The following STARD13 variants were observed in gnomAD, a reference collection of about 807,000 sequenced individuals.
STARD13 encodes StAR related lipid transfer domain containing 13.
A neutral mutation model predicts 106.4 loss-of-function variants in STARD13; 62 were observed. That is an observed-to-expected ratio of 0.58 (90% CI 0.48 to 0.72). The LOEUF (loss-of-function observed/expected upper bound fraction) is 0.72. Ranked by LOEUF, STARD13 falls within the 30% of genes least tolerant of loss-of-function variation. The pLI is 0.00. For missense variants in STARD13, 1,387 were observed against 1,424.0 expected (o/e 0.97, Z 0.42); for synonymous variants, 565 against 553.0 (o/e 1.02, Z -0.31).
the STARD13 span, among the ~76,000 whole-genome samples, chr13:33,452,857 C>A: frequency 6.6e-6 from 1 of 152,186 alleles, no homozygotes; most frequent in African/African-American, 2.4e-5. Flanking sequence ...ATGAAAATGT[C>A]TTTTCTTCAA....
At chr13:33,517,603 G>T in the STARD13 span, among the ~76,000 whole-genome samples, 3 of 152,066 alleles carry the variant, frequency 2.0e-5, no homozygotes, top group African/African-American at 4.8e-5. Flanking sequence ...AGTGCATAAA[G>T]GTTCCTCTGA....
At chr13:33,615,855 G>A in the STARD13 span, among the ~76,000 whole-genome samples, 2 of 152,174 alleles carry the variant, frequency 1.3e-5, no homozygotes, top group South Asian at 4.1e-4. Flanking sequence ...TTACTCAAGG[G>A]CTCAAAGTAC....
At chr13:33,418,062 T>C in the STARD13 span, among the ~76,000 whole-genome samples, 23,723 of 152,106 alleles carry the variant, frequency 0.16, 4,425 homozygotes, top group African/African-American at 0.44. Context: ...AACTGAGGTA[T>C]CTGGTTCATC....
the STARD13 span, among the ~76,000 whole-genome samples, chr13:33,358,894 A>G: frequency 6.6e-6 from 1 of 152,196 alleles, no homozygotes; most frequent in Admixed American, 6.5e-5. Context: ...GACACTCTGT[A>G]TCTAGCTGCT....
intron 1 of STARD13, among the ~76,000 whole-genome samples, chr13:33,175,322 C>T (rs1372477604): frequency 6.6e-6 from 1 of 152,170 alleles, no homozygotes; most frequent in East Asian, 1.9e-4. Context: ...CCAAGAGATT[C>T]TTCAAGATGG....
chr13:33,306,401 C>G (rs1892907412), intron 1 of STARD13, among the ~76,000 whole-genome samples: 1 of 152,118 alleles, frequency 6.6e-6, no homozygotes, highest in African/African-American at 2.4e-5. Flanking sequence ...CAATAACATT[C>G]AAGACATAGC....
intron 1 of STARD13, among the ~76,000 whole-genome samples, chr13:33,311,942 A>T (rs879586603): frequency 7.9e-5 from 12 of 152,168 alleles, no homozygotes; most frequent in Admixed American, 2.0e-4. Flanking sequence ...GGAAAGTGTA[A>T]TTCTTTCATT....
chr13:33,370,451 T>G, the STARD13 span, among the ~76,000 whole-genome samples: 3 of 152,206 alleles, frequency 2.0e-5, no homozygotes, highest in Non-Finnish European at 4.4e-5. Flanking sequence ...CGTACAACAC[T>G]GCTAATACCA....
At chr13:33,396,006 TAATTTTTTATTTTTA>T in the STARD13 span, among the ~76,000 whole-genome samples, 3 of 151,512 alleles carry the variant, frequency 2.0e-5, no homozygotes, top group African/African-American at 4.9e-5. Flanking sequence ...CATGCCTGGC[TAATTTTTTATTTTTA>T]AATTTTTTTT....
At chr13:33,315,988 A>G (rs961618163) in intron 1 of STARD13, among the ~76,000 whole-genome samples, 11 of 152,142 alleles carry the variant, frequency 7.2e-5, no homozygotes, top group African/African-American at 1.2e-4. Flanking sequence ...CTACTTACCA[A>G]GTGGTTCTTC....
At chr13:33,274,827 A>G (rs910917477) in intron 1 of STARD13, among the ~76,000 whole-genome samples, 4 of 152,110 alleles carry the variant, frequency 2.6e-5, no homozygotes, top group African/African-American at 9.7e-5. Flanking sequence ...TTTTAAACCC[A>G]AATGTCCCAT....
At chr13:33,459,760 T>G in the STARD13 span, among the ~76,000 whole-genome samples, 1 of 152,190 alleles carries the variant, frequency 6.6e-6, no homozygotes, top group Non-Finnish European at 1.5e-5. Flanking sequence ...GGTGCTAAAT[T>G]TTTTATTATT....
At chr13:33,444,789 C>T in the STARD13 span, among the ~76,000 whole-genome samples, 1 of 152,054 alleles carries the variant, frequency 6.6e-6, no homozygotes, top group Non-Finnish European at 1.5e-5. Flanking sequence ...TATAATGTAA[C>T]AGTAAAAAAT....
the STARD13 span, among the ~76,000 whole-genome samples, chr13:33,494,377 A>T: frequency 6.6e-6 from 1 of 152,072 alleles, no homozygotes; most frequent in Non-Finnish European, 1.5e-5. Flanking sequence ...CCGTGATTTT[A>T]TTATTGTGTC....
chr13:33,135,700 T>C (rs1408406969), intron 4 of STARD13, among the ~76,000 whole-genome samples: 2 of 152,340 alleles, frequency 1.3e-5, no homozygotes, highest in East Asian at 3.9e-4. Flanking sequence ...AAAAAACCTT[T>C]CTTCACTGGT....
At chr13:33,596,355 C>T in the STARD13 span, among the ~76,000 whole-genome samples, 2 of 152,218 alleles carry the variant, frequency 1.3e-5, no homozygotes, top group African/African-American at 2.4e-5. Flanking sequence ...GTTTAAGTCT[C>T]GTACCCACAA....
At chr13:33,280,219 T>G (rs1222945692) in intron 1 of STARD13, 1 of 152,174 alleles carries the variant, frequency 6.6e-6, no homozygotes, top group African/African-American at 2.4e-5. Context: ...CCACTTAGGT[T>G]GGGCAAATTC....
At chr13:33,227,316 G>A (rs1366545431) in intron 1 of STARD13, among the ~76,000 whole-genome samples, 1 of 152,202 alleles carries the variant, frequency 6.6e-6, no homozygotes, top group Non-Finnish European at 1.5e-5. Context: ...GCTAAAATAC[G>A]ATCCCAGGTA....
At chr13:33,469,384 G>C in the STARD13 span, among the ~76,000 whole-genome samples, 1 of 151,994 alleles carries the variant, frequency 6.6e-6, no homozygotes, top group Admixed American at 6.6e-5. Context: ...AGGTGCTATG[G>C]TTTCTCTGCC....
Sources: allele counts gnomAD v4.1 joint callset (sites outside exome capture counted in the v4.1 genomes callset), GRCh38; gene constraint gnomAD v4.1.1; transcripts MANE v1.5; gene names NCBI Gene and HGNC (gene_info 2026-07-23, HGNC 2026-07-21).